Variants in PRMT2 observed in about 807,000 individuals in gnomAD.
The protein encoded by PRMT2 is protein arginine N-methyltransferase 2.
Under a neutral mutation model 57.6 loss-of-function variants are expected in PRMT2, and 26 were observed. That is an observed-to-expected ratio of 0.45 (90% CI 0.33 to 0.63). The LOEUF (loss-of-function observed/expected upper bound fraction) is 0.63. Among genes scored for constraint, PRMT2 ranks in the 20% least tolerant of loss-of-function variants. The pLI is 0.02. For missense variants in PRMT2, 472 were observed against 564.4 expected, an observed-to-expected ratio of 0.84 and a Z score of 1.66; for synonymous variants, 219 against 220.0, an observed-to-expected ratio of 1.00 and a Z score of 0.04.
intron 8 of PRMT2, chr21:46,659,378 CTA>C (rs2061587107): frequency 2.0e-6 from 2 of 986,290 alleles, no homozygotes; most frequent in Middle Eastern, 5.2e-4. Flanking sequence ...ATCTGGCAGT[CTA>C]TGTGGCAGAA....
At chr21:46,664,257 T>C in intron 11 of PRMT2, 38 bp from the exon 12 acceptor site, 1 of 1,456,386 alleles carries the variant, frequency 6.9e-7, no homozygotes, top group Non-Finnish European at 9.6e-7. Context: ...TCAAATGATT[T>C]ATCATCTGAT....
chr21:46,642,098 C>T (rs1450595824), intron 3 of PRMT2, among the ~76,000 whole-genome samples: 3 of 152,154 alleles, frequency 2.0e-5, no homozygotes, highest in Non-Finnish European at 4.4e-5. Flanking sequence ...TGGTGGTTCC[C>T]TCTCAGCAAG....
chr21:46,653,077 G>A, intron 7 of PRMT2: 1 of 1,056,846 alleles, frequency 9.5e-7, no homozygotes, highest in Non-Finnish European at 1.2e-6. Flanking sequence ...GTCAATATGT[G>A]ATGAGGACAT....
At chr21:46,641,564 C>T (rs1198493099) in intron 3 of PRMT2, among the ~76,000 whole-genome samples, 1 of 152,244 alleles carries the variant, frequency 6.6e-6, no homozygotes, top group African/African-American at 2.4e-5. Flanking sequence ...TAGTGACACA[C>T]GCCTGTAGTC....
rs575495448 is a variant in PRMT2 at position 46,653,556 on chromosome 21, A to G, written c.654+3817A>G. 14 of 1,036,582 alleles carry G rather than the reference A, an allele frequency of 1.4e-5. No individual in the cohort carries two copies. The Admixed American group carries it at 1.7e-4, about 13-fold the overall frequency. 64.2% of individuals were successfully genotyped at this position (1,036,582 alleles called of 1,614,324 possible). A position where few individuals can be genotyped will look rare whatever the true frequency, so the allele number is the denominator to read the frequency against. ...GGGCACCCTGCAGAGGCCACAACCAAGGCCGCCTGGCTTCCCAGTGGGACA... is the reference window on the plus strand; with the variant it reads ...GGGCACCCTGCAGAGGCCACAACCAGGGCCGCCTGGCTTCCCAGTGGGACA... On this transcript the variant is annotated intron_variant, in intron 7 of 11. Coordinates refer to ENST00000355680, the MANE Select transcript of PRMT2 (RefSeq NM_206962.4).
intron 3 of PRMT2, among the ~76,000 whole-genome samples, chr21:46,640,113 C>A (rs2148962801): frequency 6.6e-6 from 1 of 152,234 alleles, no homozygotes; most frequent in African/African-American, 2.4e-5. Flanking sequence ...TTAACTACTT[C>A]ATAAGGTAAA....
At chr21:46,655,579 A>G (rs558886428) in intron 7 of PRMT2, among the ~76,000 whole-genome samples, 5 of 152,328 alleles carry the variant, frequency 3.3e-5, no homozygotes, top group African/African-American at 1.2e-4. Context: ...AAAAAAACCT[A>G]CAGAAAATCC....
chr21:46,660,064 T>A (rs1242164484), intron 8 of PRMT2: 11 of 980,236 alleles, frequency 1.1e-5, no homozygotes, highest in Non-Finnish European at 1.1e-5. Flanking sequence ...TTTCCAATTT[T>A]TAAATTTGTA....
intron 7 of PRMT2, chr21:46,653,219 C>A (rs1232448613): frequency 1.1e-5 from 11 of 985,272 alleles, no homozygotes; most frequent in Non-Finnish European, 1.3e-5. Flanking sequence ...TGTAATAATT[C>A]TCTTCACACA....
chr21:46,652,265 T>C, intron 7 of PRMT2: 1 of 1,335,270 alleles, frequency 7.5e-7, no homozygotes, highest in Admixed American at 3.3e-5. Context: ...GGGAAAGGTT[T>C]TTCTAAGAAC....
At chr21:46,640,334 T>G (rs78353636) in intron 3 of PRMT2, among the ~76,000 whole-genome samples, 15,473 of 152,194 alleles carry the variant, frequency 0.1, 924 homozygotes, top group African/African-American at 0.13. Flanking sequence ...TTTCTTGCAT[T>G]CTGTGTTTTC....
At chr21:46,660,606 C>T (rs1164042192) in intron 8 of PRMT2, among the ~76,000 whole-genome samples, 1 of 152,124 alleles carries the variant, frequency 6.6e-6, no homozygotes, top group Non-Finnish European at 1.5e-5. Context: ...CCAGGTCAGG[C>T]TCAGGAAGTC....
chr21:46,637,773 A>ATG lies in PRMT2; in HGVS notation c.39+799_39+800dup, dbSNP rs753187692. Among the ~76,000 whole-genome samples, 897 of 151,188 alleles carry ATG rather than the reference A, an allele frequency of 5.9e-3. 5 individuals carry two copies. The highest frequency in any genetic ancestry group is 9.5e-3 in the East Asian group (49 of 5,154). ...TATATATGTGTGTGTATATACATAT[A>ATG]TGTGTGTGTGTGTGTGTATATATAT... On this transcript the variant is annotated intron_variant, in intron 3 of 11. Transcript: ENST00000355680.
chr21:46,663,239 T>A (rs1323182202), intron 10 of PRMT2, 144 bp from the exon 11 acceptor site: 1 of 712,340 alleles, frequency 1.4e-6, no homozygotes, highest in Non-Finnish European at 2.2e-6. Flanking sequence ...CCAAGCTTTG[T>A]GTCCCCAGGC....
At chr21:46,661,996 G>A (rs2061633683) in intron 10 of PRMT2, 60 bp downstream of exon 10, 1 of 731,352 alleles carries the variant, frequency 1.4e-6, no homozygotes, top group Non-Finnish European at 1.8e-6. Context: ...TAGGCGGGGT[G>A]CGGGGATGGG....
chr21:46,648,360 C>G lies in PRMT2; in HGVS notation c.328-98C>G, dbSNP rs1026981788. Reference sequence around the variant, plus strand: ...TAGTCTTCCATAGGGGTGTTGGGGTCAGGGGTCATCAGCTGTGGCTCTGAC... The same window carrying G: ...TAGTCTTCCATAGGGGTGTTGGGGTGAGGGGTCATCAGCTGTGGCTCTGAC... On this transcript the variant is annotated intron_variant, in intron 5 of 11. Coordinates refer to ENST00000355680, the MANE Select transcript of PRMT2 (RefSeq NM_206962.4). The surrounding 1 kb of genome is among the most constrained non-coding windows in gnomAD (Gnocchi z 4.8). The G allele has an allele frequency of 3.7e-6, 5 of 1,333,500 alleles. No homozygotes were observed. The Admixed American group carries it at 9.4e-5, about 25-fold the overall frequency. 82.6% of individuals were successfully genotyped at this position (1,333,500 alleles called of 1,614,324 possible).
rs1233769719 is a variant in PRMT2 at position 46,649,417 on chromosome 21, G to T, written c.490-158G>T. ...GGCTCCTTTCTGGGTGCCCCTGGAG[G>T]GGCAGGTGTGGCCAGTCCTCGCTGC... On this transcript the variant is annotated intron_variant, in intron 6 of 11. Coordinates refer to ENST00000355680, the MANE Select transcript of PRMT2 (RefSeq NM_206962.4). This position sits in a 1 kb window ranked among gnomAD's most constrained non-coding sequence, Gnocchi z 4.8. The T allele has an allele frequency of 6.9e-6, 8 of 1,152,318 alleles. No individual in the cohort carries two copies. Among genetic ancestry groups the T allele is most frequent in the Non-Finnish European group, 1.0e-5 (8 of 786,364 alleles). 71.4% of individuals were successfully genotyped at this position (1,152,318 alleles called of 1,614,324 possible).
At chr21:46,643,827 C>A (rs2061321861) in intron 4 of PRMT2, among the ~76,000 whole-genome samples, 188 bp downstream of exon 4, 1 of 152,212 alleles carries the variant, frequency 6.6e-6, no homozygotes, top group Non-Finnish European at 1.5e-5. Flanking sequence ...AGATACGAGG[C>A]ATGGAGTGGG....
chr21:46,654,766 T>C (rs2061517290), intron 7 of PRMT2: 1 of 299,176 alleles, frequency 3.3e-6, no homozygotes, highest in Admixed American at 6.5e-5. Context: ...GTAGCCTGTA[T>C]GTAAAAACCA....
Sources: gnomAD v4.1 joint callset for allele counts (sites outside exome capture counted in the v4.1 genomes callset) on GRCh38, gnomAD v4.1.1 for gene constraint, Gnocchi (gnomAD v3.1) non-coding constraint, MANE v1.5 for transcripts, NCBI Gene and HGNC (gene_info 2026-07-23, HGNC 2026-07-21) for gene names.